MMP16: variants seen among roughly 807,000 people sequenced by gnomAD.
The protein encoded by MMP16 is matrix metallopeptidase 16.
MMP16 carries 12 observed loss-of-function variants against 67.8 expected under a neutral mutation model. The observed-to-expected ratio is 0.18, with a 90% CI of 0.11 to 0.29. The LOEUF (loss-of-function observed/expected upper bound fraction) is 0.29. MMP16 is among the 10% of genes least tolerant of loss of function. The probability of loss-of-function intolerance (pLI) is 1.00; values close to 1 mark genes in which losing one functional copy is unlikely to be tolerated. For missense variants in MMP16, 475 were observed against 765.7 expected, an observed-to-expected ratio of 0.62 and a Z score of 4.48; for synonymous variants, 249 against 255.9, an observed-to-expected ratio of 0.97 and a Z score of 0.26.
intron 4 of MMP16, among the ~76,000 whole-genome samples, chr8:88,148,266 A>G (rs929998319): frequency 6.6e-5 from 10 of 152,168 alleles, no homozygotes; most frequent in African/African-American, 2.4e-4. Flanking sequence ...TTTAAAAGAT[A>G]TCCTATTTTA....
intron 1 of MMP16, among the ~76,000 whole-genome samples, chr8:88,222,427 G>A (rs1019770900): frequency 5.3e-5 from 8 of 152,120 alleles, no homozygotes; most frequent in East Asian, 3.9e-4. Flanking sequence ...GAGGCATCAC[G>A]CTACCTGACT....
chr8:88,100,418 C>A (rs1021497759), intron 6 of MMP16, among the ~76,000 whole-genome samples: 1 of 151,916 alleles, frequency 6.6e-6, no homozygotes, highest in African/African-American at 2.4e-5. Context: ...AAATCAAAAC[C>A]ACAATGAGAT....
At chr8:88,264,457 T>C (rs1810443053) in intron 1 of MMP16, among the ~76,000 whole-genome samples, 1 of 152,176 alleles carries the variant, frequency 6.6e-6, no homozygotes, top group Non-Finnish European at 1.5e-5. Flanking sequence ...CACCTCAGCC[T>C]CCTGAGGAGC....
chr8:88,113,667 T>C (rs769014439), intron 6 of MMP16, among the ~76,000 whole-genome samples: 1 of 151,932 alleles, frequency 6.6e-6, no homozygotes, highest in South Asian at 2.1e-4. Context: ...TAAGCAGTCA[T>C]TGGCACTGAA....
intron 6 of MMP16, among the ~76,000 whole-genome samples, chr8:88,096,786 A>T (rs1351057): frequency 0.087 from 13,182 of 152,004 alleles, 807 homozygotes; most frequent in Middle Eastern, 0.16. Flanking sequence ...ATATATAGCT[A>T]TAGGAGGGTG....
intron 2 of MMP16, among the ~76,000 whole-genome samples, chr8:88,189,809 A>G (rs761028573): frequency 4.6e-5 from 7 of 152,122 alleles, no homozygotes; most frequent in South Asian, 2.1e-4. Context: ...GATACAGTTT[A>G]CCACCCCAAT....
chr8:88,121,313 C>T (rs745397358), intron 4 of MMP16, among the ~76,000 whole-genome samples: 7 of 151,872 alleles, frequency 4.6e-5, no homozygotes, highest in Non-Finnish European at 1.0e-4. Context: ...TACGACCTGT[C>T]GAGTACTCTA....
chr8:88,136,359 TAA>T (rs1808118956), intron 4 of MMP16, among the ~76,000 whole-genome samples: 1 of 151,816 alleles, frequency 6.6e-6, no homozygotes, highest in Non-Finnish European at 1.5e-5. Flanking sequence ...TTTCTCAATT[TAA>T]TCAAATTAAA....
Position 88,039,415 on chromosome 8 carries a change from T to C in MMP16, c.*2046A>G, listed in dbSNP as rs1808101625. 6.6e-6 allele frequency: 1 copy of C among 152,624 alleles called. No individual in the cohort carries two copies. Among genetic ancestry groups the C allele is most frequent in the Non-Finnish European group, 1.5e-5 (1 of 68,012 alleles). The allele number at this position is 152,624 out of a possible 1,614,324, so 9.5% of individuals were successfully genotyped here. On this transcript the variant is annotated 3_prime_UTR_variant, in exon 10 of 10. Transcript: ENST00000286614. This position sits in a 1 kb window ranked among gnomAD's most constrained non-coding sequence, Gnocchi z 4.5. Reference sequence around the variant, plus strand: ...TCTGCCATCACCACTCTCTCCACTCTAAGGAAACAGCTCATGCTTACTAGG... The same window carrying C: ...TCTGCCATCACCACTCTCTCCACTCCAAGGAAACAGCTCATGCTTACTAGG...
chr8:88,327,228 T>G lies in MMP16; in HGVS notation c.-22A>C, dbSNP rs768666492. 3 of 1,613,376 alleles carry G rather than the reference T, an allele frequency of 1.9e-6. No homozygotes were observed. Among genetic ancestry groups the G allele is most frequent in the Admixed American group, 3.3e-5 (2 of 59,988 alleles). ...TCATAGTGAACTGTGCTTCAATGGA[T>G]GGACGAGCTCCCCTTCGTTTTCTCC... On this transcript the variant is annotated 5_prime_UTR_variant, in exon 1 of 10. Coordinates refer to ENST00000286614, the MANE Select transcript of MMP16 (RefSeq NM_005941.5).
rs1303473015 is a variant in MMP16 at position 88,036,551 on chromosome 8, C to A, written c.*4910G>T. The A allele has an allele frequency of 6.6e-6, 1 of 151,600 alleles. No individual in the cohort carries two copies. Among genetic ancestry groups the A allele is most frequent in the African/African-American group, 2.4e-5 (1 of 41,328 alleles). The allele number at this position is 151,600 out of a possible 1,614,324, so 9.4% of individuals were successfully genotyped here. A position where few individuals can be genotyped will look rare whatever the true frequency, so the allele number is the denominator to read the frequency against. On this transcript the variant is annotated 3_prime_UTR_variant, in exon 10 of 10. Coordinates refer to ENST00000286614, the MANE Select transcript of MMP16 (RefSeq NM_005941.5). ...AAAATTTTCTGATGTAGTTATGATT[C>A]CCTCCTAGGCAACGTGGAGCCTGTA...
Position 88,038,960 on chromosome 8 carries a change from A to G in MMP16, c.*2501T>C, listed in dbSNP as rs1808092896. ...ACTATATACGCTCAGGTTGTAAGAA[A>G]TAACAATCTGCAAGGCTTTGCAGCA... On this transcript the variant is annotated 3_prime_UTR_variant, in exon 10 of 10. Transcript: ENST00000286614. This position sits in a 1 kb window ranked among gnomAD's most constrained non-coding sequence, Gnocchi z 4.1. 1.3e-5 allele frequency: 2 copies of G among 152,576 alleles called. No homozygotes were observed. Among genetic ancestry groups the G allele is most frequent in the African/African-American group, 4.8e-5 (2 of 41,464 alleles). The allele number at this position is 152,576 out of a possible 1,614,324, so 9.5% of individuals were successfully genotyped here.
At chr8:88,127,944 G>T (rs968426070) in intron 4 of MMP16, among the ~76,000 whole-genome samples, 6 of 151,768 alleles carry the variant, frequency 4.0e-5, no homozygotes, top group African/African-American at 7.3e-5. Context: ...CCACTGATAC[G>T]AAGCTGTTAT....
At chr8:88,298,384 G>T (rs542750463) in intron 1 of MMP16, among the ~76,000 whole-genome samples, 58 of 152,274 alleles carry the variant, frequency 3.8e-4, no homozygotes, top group East Asian at 1.7e-3. Flanking sequence ...ATGAACCAGA[G>T]AATTATAGGC....
chr8:88,162,305 A>G (rs984074713), intron 4 of MMP16, among the ~76,000 whole-genome samples: 1 of 152,030 alleles, frequency 6.6e-6, no homozygotes, highest in Non-Finnish European at 1.5e-5. Context: ...AGACTCAGTA[A>G]AATGAAGCTC....
chr8:88,282,118 A>G (rs1448446049), intron 1 of MMP16, among the ~76,000 whole-genome samples: 2 of 140,666 alleles, frequency 1.4e-5, no homozygotes, highest in Non-Finnish European at 3.0e-5. Flanking sequence ...GCTGTCATCT[A>G]GGCTGGAGTA....
intron 4 of MMP16, among the ~76,000 whole-genome samples, chr8:88,122,444 A>G (rs1807855538): frequency 3.9e-5 from 6 of 151,996 alleles, no homozygotes; most frequent in Admixed American, 2.0e-4. Flanking sequence ...AACACATACC[A>G]TAATTGCCCT....
intron 1 of MMP16, among the ~76,000 whole-genome samples, chr8:88,210,978 A>G (rs1044626168): frequency 6.6e-6 from 1 of 152,162 alleles, no homozygotes. Flanking sequence ...CATTTTACAA[A>G]TGAGGAAACA....
chr8:88,147,986 CTAACCT>C (rs976000123), intron 4 of MMP16, among the ~76,000 whole-genome samples: 11 of 152,114 alleles, frequency 7.2e-5, no homozygotes, highest in Admixed American at 1.3e-4. Flanking sequence ...TCCGTATCTC[CTAACCT>C]TTCACATTTC....
Sources: gnomAD v4.1 joint callset for allele counts (sites outside exome capture counted in the v4.1 genomes callset) on GRCh38, gnomAD v4.1.1 for gene constraint, Gnocchi (gnomAD v3.1) non-coding constraint, MANE v1.5 for transcripts, NCBI Gene and HGNC (gene_info 2026-07-23, HGNC 2026-07-21) for gene names.